The following GRID1 variants were observed in gnomAD, a reference collection of about 807,000 sequenced individuals.
The protein encoded by GRID1 is glutamate receptor ionotropic, delta-1.
A neutral mutation model predicts 98.0 loss-of-function variants in GRID1; 28 were observed. The ratio of observed to expected loss-of-function variants is 0.29; its 90% CI spans 0.21 to 0.39. GRID1 has a LOEUF of 0.39. Ranked by LOEUF, GRID1 falls within the 10% of genes least tolerant of loss-of-function variation. GRID1 has a pLI of 1.00. For synonymous variants in GRID1, 553 were observed against 538.5 expected, an observed-to-expected ratio of 1.03 and a Z score of -0.37; for missense variants, 1,111 against 1,340.5, an observed-to-expected ratio of 0.83 and a Z score of 2.67.
At chr10:86,063,927 C>T (rs911114900) in intron 4 of GRID1, among the ~76,000 whole-genome samples, 13 of 152,214 alleles carry the variant, frequency 8.5e-5, no homozygotes, top group South Asian at 2.1e-4. Context: ...CAGCAGAGAC[C>T]ATATATGCTA....
intron 3 of GRID1, among the ~76,000 whole-genome samples, chr10:86,193,119 C>G (rs1045674950): frequency 3.9e-5 from 6 of 152,086 alleles, no homozygotes; most frequent in African/African-American, 1.2e-4. Context: ...CCACTCTCTC[C>G]TCATTCCCAG....
intron 2 of GRID1, among the ~76,000 whole-genome samples, chr10:86,226,338 T>A (rs1351297962): frequency 9.5e-5 from 1 of 10,526 alleles, no homozygotes; most frequent in East Asian, 2.4e-3. Context: ...CACCCCAGCA[T>A]ACCCTCCCAC....
chr10:86,215,527 G>T (rs1846165568), intron 2 of GRID1, among the ~76,000 whole-genome samples: 1 of 152,088 alleles, frequency 6.6e-6, no homozygotes, highest in African/African-American at 2.4e-5. Flanking sequence ...CCCCAGCCAG[G>T]ATTCACATGG....
At chr10:85,839,410 T>C (rs1370759846) in intron 8 of GRID1, among the ~76,000 whole-genome samples, 1 of 152,138 alleles carries the variant, frequency 6.6e-6, no homozygotes, top group East Asian at 1.9e-4. Context: ...CATCAGCCAA[T>C]GCAAAAGAAC....
chr10:86,313,533 T>G (rs1847859598), intron 2 of GRID1, among the ~76,000 whole-genome samples: 1 of 152,164 alleles, frequency 6.6e-6, no homozygotes, highest in Admixed American at 6.5e-5. Context: ...ACTTGAAGTG[T>G]GGCACAGGGG....
At chr10:85,632,591 T>C (rs942724143) in intron 13 of GRID1, among the ~76,000 whole-genome samples, 1 of 152,200 alleles carries the variant, frequency 6.6e-6, no homozygotes, top group Admixed American at 6.5e-5. Context: ...TGTTTTGAGA[T>C]GGAGTCTTGC....
intron 3 of GRID1, among the ~76,000 whole-genome samples, chr10:86,174,185 T>C (rs1845538870): frequency 6.6e-6 from 1 of 152,090 alleles, no homozygotes; most frequent in Non-Finnish European, 1.5e-5. Context: ...CATCGCCAAG[T>C]CAATCCTAAG....
At chr10:85,681,165 C>T (rs892742805) in intron 12 of GRID1, among the ~76,000 whole-genome samples, 1 of 152,070 alleles carries the variant, frequency 6.6e-6, no homozygotes, top group Non-Finnish European at 1.5e-5. Flanking sequence ...TCCCTAATCT[C>T]GTATTGCAGG....
At chr10:85,715,319 C>T (rs894141052) in intron 12 of GRID1, among the ~76,000 whole-genome samples, 2 of 151,998 alleles carry the variant, frequency 1.3e-5, no homozygotes, top group South Asian at 2.1e-4. Context: ...TGGTCTGGGG[C>T]GTGATTTTTT....
intron 8 of GRID1, among the ~76,000 whole-genome samples, chr10:85,843,931 T>C (rs1051586285): frequency 3.9e-5 from 6 of 152,120 alleles, no homozygotes; most frequent in Non-Finnish European, 7.4e-5. Context: ...AATTGCACTC[T>C]TGGGCATTTA....
intron 8 of GRID1, among the ~76,000 whole-genome samples, chr10:85,848,353 G>A (rs1327373327): frequency 6.6e-6 from 1 of 152,078 alleles, no homozygotes; most frequent in Non-Finnish European, 1.5e-5. Context: ...GTTTATGACA[G>A]CACTATTCTA....
chr10:86,067,546 C>T (rs1418732665), intron 4 of GRID1, among the ~76,000 whole-genome samples: 2 of 152,202 alleles, frequency 1.3e-5, no homozygotes, highest in Non-Finnish European at 2.9e-5. Flanking sequence ...TTTTTTAAAA[C>T]TCTTGGGATA....
intron 4 of GRID1, among the ~76,000 whole-genome samples, chr10:86,116,070 T>C (rs1357952009): frequency 6.6e-6 from 1 of 152,210 alleles, no homozygotes; most frequent in Non-Finnish European, 1.5e-5. Flanking sequence ...TGTCTAGGTT[T>C]GTGTAAGTAC....
chr10:86,056,084 T>C (rs1843568467), intron 4 of GRID1, among the ~76,000 whole-genome samples: 1 of 152,246 alleles, frequency 6.6e-6, no homozygotes, highest in African/African-American at 2.4e-5. Context: ...CACAGCTTCC[T>C]GCCCAGCCTC....
chr10:85,608,966 A>ATG (rs1465830017), intron 15 of GRID1, among the ~76,000 whole-genome samples: 1 of 152,112 alleles, frequency 6.6e-6, no homozygotes. Flanking sequence ...GATAATGTAA[A>ATG]TGTGTAGCCA....
chr10:85,879,304 T>C (rs1260647505), intron 5 of GRID1, among the ~76,000 whole-genome samples: 1 of 152,108 alleles, frequency 6.6e-6, no homozygotes, highest in Non-Finnish European at 1.5e-5. Flanking sequence ...CCACCCCAAA[T>C]CAACAGAATA....
chr10:86,239,587 G>A (rs2132040943), intron 2 of GRID1, among the ~76,000 whole-genome samples: 1 of 152,280 alleles, frequency 6.6e-6, no homozygotes, highest in Non-Finnish European at 1.5e-5. Context: ...GGGCCTGGTG[G>A]GAGGTGATTG....
intron 15 of GRID1, among the ~76,000 whole-genome samples, chr10:85,603,893 C>T (rs1425108668): frequency 6.6e-6 from 1 of 152,106 alleles, no homozygotes; most frequent in Non-Finnish European, 1.5e-5. Flanking sequence ...GTCCACCTTG[C>T]AGGGGAGTTA....
chr10:86,175,424 A>T (rs1845561393), intron 3 of GRID1, among the ~76,000 whole-genome samples: 1 of 150,890 alleles, frequency 6.6e-6, no homozygotes, highest in South Asian at 2.1e-4. Context: ...TGATACCATG[A>T]TCCCTCCTTC....
Sources: allele counts gnomAD v4.1 joint callset (sites outside exome capture counted in the v4.1 genomes callset), GRCh38; gene constraint gnomAD v4.1.1; transcripts MANE v1.5; gene names NCBI Gene and HGNC (gene_info 2026-07-23, HGNC 2026-07-21).